HEMK2: variants seen among roughly 807,000 people sequenced by gnomAD.
The protein encoded by HEMK2 is methyltransferase HEMK2.
the HEMK2 span, among the ~76,000 whole-genome samples, chr21:28,688,382 A>G: frequency 6.6e-6 from 1 of 152,216 alleles, no homozygotes; most frequent in African/African-American, 2.4e-5. Context: ...TATGCAAACA[A>G]TACTTACATC....
At chr21:28,851,746 T>C in the HEMK2 span, among the ~76,000 whole-genome samples, 147 of 152,262 alleles carry the variant, frequency 9.7e-4, no homozygotes, top group Non-Finnish European at 1.5e-3. Flanking sequence ...TTATATCTTA[T>C]GGAAGGGAAA....
At chr21:28,716,651 C>T in the HEMK2 span, among the ~76,000 whole-genome samples, 2 of 152,080 alleles carry the variant, frequency 1.3e-5, no homozygotes, top group Admixed American at 6.6e-5. Context: ...CTAGGACTTC[C>T]GGTACTATGC....
chr21:28,631,938 A>G, the HEMK2 span, among the ~76,000 whole-genome samples: 10 of 152,296 alleles, frequency 6.6e-5, 1 homozygote, highest in African/African-American at 2.4e-4. Context: ...TATTATTTAC[A>G]TTGCACCATC....
At chr21:28,803,863 G>C in the HEMK2 span, among the ~76,000 whole-genome samples, 1 of 152,214 alleles carries the variant, frequency 6.6e-6, no homozygotes, top group Non-Finnish European at 1.5e-5. Flanking sequence ...TGGGTTAGGG[G>C]AGGCAGAACT....
the HEMK2 span, among the ~76,000 whole-genome samples, chr21:28,685,740 G>C: frequency 1.3e-5 from 2 of 152,170 alleles, no homozygotes; most frequent in African/African-American, 4.8e-5. Flanking sequence ...AATTTGGAGG[G>C]AGGTGACTGT....
the HEMK2 span, among the ~76,000 whole-genome samples, chr21:28,852,996 TTTAAA>T: frequency 6.6e-6 from 1 of 152,186 alleles, no homozygotes; most frequent in Non-Finnish European, 1.5e-5. Flanking sequence ...TCCCATTGCA[TTTAAA>T]TTTTGCAGTT....
the HEMK2 span, among the ~76,000 whole-genome samples, chr21:28,822,049 G>A: frequency 1.2e-4 from 19 of 152,288 alleles, no homozygotes; most frequent in Admixed American, 9.8e-4. Context: ...CAACTGCAAA[G>A]AAGAGAGATA....
chr21:28,829,817 T>G, the HEMK2 span, among the ~76,000 whole-genome samples: 2 of 152,216 alleles, frequency 1.3e-5, no homozygotes, highest in East Asian at 3.8e-4. Context: ...AAAGATGTGG[T>G]TCATATCAGA....
the HEMK2 span, among the ~76,000 whole-genome samples, chr21:28,838,644 TA>T: frequency 6.9e-6 from 1 of 145,224 alleles, no homozygotes; most frequent in African/African-American, 2.5e-5. Context: ...CAACAATATA[TA>T]AAAAAGATCT....
At chr21:28,725,387 A>G in the HEMK2 span, among the ~76,000 whole-genome samples, 1 of 152,210 alleles carries the variant, frequency 6.6e-6, no homozygotes, top group Non-Finnish European at 1.5e-5. Context: ...GGAGAAAGTG[A>G]GACTAGGAAG....
the HEMK2 span, among the ~76,000 whole-genome samples, chr21:28,816,625 G>T: frequency 1.7e-4 from 26 of 152,322 alleles, no homozygotes; most frequent in Admixed American, 7.8e-4. Flanking sequence ...AGCCCGCACT[G>T]AAATATAAGC....
chr21:28,850,217 CTTT>C, the HEMK2 span, among the ~76,000 whole-genome samples: 5,083 of 94,100 alleles, frequency 0.054, 109 homozygotes, highest in African/African-American at 0.17. Flanking sequence ...ATTCAGCATT[CTTT>C]TTTTTTTTTT....
chr21:28,785,451 A>G, the HEMK2 span, among the ~76,000 whole-genome samples: 2 of 152,312 alleles, frequency 1.3e-5, no homozygotes, highest in African/African-American at 2.4e-5. Context: ...CCCATGATAA[A>G]TTACAAATAT....
chr21:28,775,284 A>G, the HEMK2 span, among the ~76,000 whole-genome samples: 1 of 152,310 alleles, frequency 6.6e-6, no homozygotes, highest in Admixed American at 6.5e-5. Context: ...GAAATGATGT[A>G]TAGGTGAGGA....
At chr21:28,623,909 C>G in the HEMK2 span, among the ~76,000 whole-genome samples, 2 of 152,066 alleles carry the variant, frequency 1.3e-5, no homozygotes, top group Non-Finnish European at 2.9e-5. Context: ...GTGCAGCAAA[C>G]CACCATGGCA....
At chr21:28,878,250 T>C in the HEMK2 span, 64 of 1,607,398 alleles carry the variant, frequency 4.0e-5, no homozygotes, top group Non-Finnish European at 5.4e-5. Context: ...AAAGGAGATC[T>C]GGAACCAGGG....
chr21:28,624,724 G>C, the HEMK2 span, among the ~76,000 whole-genome samples: 1 of 152,156 alleles, frequency 6.6e-6, no homozygotes, highest in Non-Finnish European at 1.5e-5. Context: ...TATGGAACCA[G>C]GCACAGAGAG....
At chr21:28,878,069 G>T in the HEMK2 span, 1 of 806,752 alleles carries the variant, frequency 1.2e-6, no homozygotes, top group Non-Finnish European at 1.8e-6. Flanking sequence ...GCTACTGTCA[G>T]TGATTAACTG....
chr21:28,836,347 A>G, the HEMK2 span, among the ~76,000 whole-genome samples: 2 of 152,234 alleles, frequency 1.3e-5, no homozygotes, highest in Non-Finnish European at 2.9e-5. Context: ...CTCCTCAAAC[A>G]AAACAATTAT....
Sources: allele counts gnomAD v4.1 joint callset (sites outside exome capture counted in the v4.1 genomes callset), GRCh38; gene constraint gnomAD v4.1.1; transcripts MANE v1.5; gene names NCBI Gene and HGNC (gene_info 2026-07-23, HGNC 2026-07-21).